LYPLAL1: variants seen among roughly 807,000 people sequenced by gnomAD.
LYPLAL1 encodes the protein lysophospholipase like 1, also known as lysophospholipase-like protein 1.
LYPLAL1 carries 23 observed loss-of-function variants against 19.7 expected under a neutral mutation model. The observed-to-expected ratio is 1.17, with a 90% confidence interval of 0.84 to 1.65. The LOEUF (loss-of-function observed/expected upper bound fraction) is 1.65. Among genes scored for constraint, LYPLAL1 ranks in the 40% most tolerant of loss-of-function variants. The pLI is 0.00. For synonymous variants in LYPLAL1, 119 were observed against 96.3 expected, an observed-to-expected ratio of 1.24 and a Z score of -1.38; for missense variants, 355 against 279.4, an observed-to-expected ratio of 1.27 and a Z score of -1.93.
At chr1:219,333,126 G>T in the LYPLAL1 span, among the ~76,000 whole-genome samples, 2 of 151,860 alleles carry the variant, frequency 1.3e-5, no homozygotes, top group East Asian at 3.9e-4. Flanking sequence ...CCCTGCCAAG[G>T]GTACGTGTGA....
chr1:219,442,274 G>A, the LYPLAL1 span, among the ~76,000 whole-genome samples: 362 of 152,002 alleles, frequency 2.4e-3, 1 homozygote, highest in African/African-American at 8.3e-3. Context: ...TTTACTTAAG[G>A]GACACAAAGT....
downstream of LYPLAL1, among the ~76,000 whole-genome samples, chr1:219,213,598 G>T (rs1012331895): frequency 6.6e-6 from 1 of 151,828 alleles, no homozygotes; most frequent in South Asian, 2.1e-4. Flanking sequence ...TTTTATCAGC[G>T]TTTTTGAGGC....
the LYPLAL1 span, among the ~76,000 whole-genome samples, chr1:219,324,406 C>T: frequency 6.6e-6 from 1 of 152,168 alleles, no homozygotes; most frequent in Admixed American, 6.5e-5. Context: ...CTGCAGAAAG[C>T]CTGACCTTAA....
chr1:219,381,731 A>ATCAT, the LYPLAL1 span, among the ~76,000 whole-genome samples: 82 of 152,308 alleles, frequency 5.4e-4, no homozygotes, highest in African/African-American at 1.9e-3. Context: ...AATATTATGC[A>ATCAT]TCATTCATTC....
the LYPLAL1 span, among the ~76,000 whole-genome samples, chr1:219,346,458 CTA>C: frequency 9.2e-6 from 1 of 108,884 alleles, no homozygotes; most frequent in Non-Finnish European, 1.9e-5. Flanking sequence ...GGGTCAATTT[CTA>C]TTTTTTTTTT....
At chr1:219,182,841 G>A (rs1321373981) in intron 2 of LYPLAL1, among the ~76,000 whole-genome samples, 1 of 151,940 alleles carries the variant, frequency 6.6e-6, no homozygotes, top group Non-Finnish European at 1.5e-5. Flanking sequence ...TGATATTCAG[G>A]GTTTACCTGC....
At chr1:219,328,851 G>A in the LYPLAL1 span, among the ~76,000 whole-genome samples, 10,161 of 152,040 alleles carry the variant, frequency 0.067, 475 homozygotes, top group South Asian at 0.12. Flanking sequence ...GAATACCTGG[G>A]ATTGACTAAA....
the LYPLAL1 span, among the ~76,000 whole-genome samples, chr1:219,438,300 G>C: frequency 6.6e-6 from 1 of 152,122 alleles, no homozygotes; most frequent in African/African-American, 2.4e-5. Flanking sequence ...GTATCTGTTG[G>C]GAATTCCCAG....
the LYPLAL1 span, among the ~76,000 whole-genome samples, chr1:219,307,026 ATATATATATATATATG>A: frequency 6.3e-3 from 232 of 37,028 alleles, 1 homozygote; most frequent in South Asian, 0.02. Context: ...ACACATACAT[ATATATATATATATATG>A]TATATATATA....
the LYPLAL1 span, among the ~76,000 whole-genome samples, chr1:219,375,466 G>A: frequency 8.4e-6 from 1 of 118,420 alleles, no homozygotes; most frequent in Non-Finnish European, 1.6e-5. Context: ...ACTCCAGCCT[G>A]AGCAACAAGA....
the LYPLAL1 span, among the ~76,000 whole-genome samples, chr1:219,349,923 A>T: frequency 6.6e-6 from 1 of 152,156 alleles, no homozygotes; most frequent in East Asian, 1.9e-4. Flanking sequence ...AAATGTCTTC[A>T]CCTCCACTCT....
At chr1:219,358,018 C>T in the LYPLAL1 span, among the ~76,000 whole-genome samples, 1 of 152,090 alleles carries the variant, frequency 6.6e-6, no homozygotes, top group Admixed American at 6.5e-5. Context: ...CAGTGTTTGC[C>T]GTCCACACAG....
At chr1:219,444,992 G>A in the LYPLAL1 span, among the ~76,000 whole-genome samples, 1 of 151,586 alleles carries the variant, frequency 6.6e-6, no homozygotes, top group African/African-American at 2.4e-5. Flanking sequence ...TTGTAAAATG[G>A]GAATGTGCTT....
the LYPLAL1 span, among the ~76,000 whole-genome samples, chr1:219,235,290 T>C: frequency 6.6e-6 from 1 of 152,128 alleles, no homozygotes; most frequent in African/African-American, 2.4e-5. Flanking sequence ...ATCTGAAACA[T>C]AAAGGTGACA....
the LYPLAL1 span, among the ~76,000 whole-genome samples, chr1:219,350,523 G>T: frequency 6.6e-6 from 1 of 152,196 alleles, no homozygotes; most frequent in South Asian, 2.1e-4. Context: ...CTTTGGTAGA[G>T]AATATCTACA....
At chr1:219,333,873 G>A in the LYPLAL1 span, among the ~76,000 whole-genome samples, 1 of 151,962 alleles carries the variant, frequency 6.6e-6, no homozygotes, top group African/African-American at 2.4e-5. Context: ...GGAGACAGCT[G>A]CCAACTTGCC....
At chr1:219,194,402 T>C (rs1427754265) in intron 3 of LYPLAL1, among the ~76,000 whole-genome samples, 6 of 152,010 alleles carry the variant, frequency 3.9e-5, no homozygotes, top group Non-Finnish European at 5.9e-5. Flanking sequence ...ATTCAATCTT[T>C]AGCAAGTATT....
chr1:219,430,318 C>T, the LYPLAL1 span, among the ~76,000 whole-genome samples: 99 of 131,752 alleles, frequency 7.5e-4, no homozygotes, highest in East Asian at 0.018. Context: ...AAGCTCTTTT[C>T]TATAACCCAG....
chr1:219,288,988 C>T, the LYPLAL1 span, among the ~76,000 whole-genome samples: 3 of 151,822 alleles, frequency 2.0e-5, no homozygotes, highest in Non-Finnish European at 4.4e-5. Context: ...GAAATGTTAC[C>T]GTCTTAATAC....
Sources: allele counts gnomAD v4.1 joint callset (sites outside exome capture counted in the v4.1 genomes callset), GRCh38; gene constraint gnomAD v4.1.1; transcripts MANE v1.5; gene names NCBI Gene and HGNC (gene_info 2026-07-23, HGNC 2026-07-21).